Variants in NLRP7 observed in about 807,000 individuals in gnomAD.
NLRP7 encodes the protein NACHT, LRR and PYD domains-containing protein 7.
NLRP7 carries 72 observed loss-of-function variants against 85.5 expected under a neutral mutation model. The observed-to-expected ratio is 0.84, with a 90% confidence interval of 0.70 to 1.02. NLRP7 has a LOEUF of 1.02. Among genes scored for constraint, NLRP7 ranks in the 50% least tolerant of loss-of-function variants. NLRP7 has a pLI of 0.00. For missense variants in NLRP7, 1,243 were observed against 1,219.5 expected (o/e 1.02, Z -0.29); for synonymous variants, 550 against 505.2 (o/e 1.09, Z -1.19).
chr19:54,947,466 C>T lies in NLRP7; in HGVS notation c.-40+3G>A, dbSNP rs1003816179. ...AGAAATCGATGCAAGAACCAGCACT[C>T]ACCTCCCTCAGGTCAGGTCTTGCTT... On this transcript the variant is annotated splice_donor_region_variant and intron_variant, in intron 1 of 9. Transcript: ENST00000340844. 5 of 1,289,490 alleles carry T rather than the reference C, an allele frequency of 3.9e-6. No individual in the cohort carries two copies. The African/African-American group carries it at 6.1e-5, about 16-fold the overall frequency. The allele number at this position is 1,289,490 out of a possible 1,614,324, so 79.9% of individuals were successfully genotyped here.
At chr19:54,944,584 C>T (rs982373699) in intron 1 of NLRP7, among the ~76,000 whole-genome samples, 2 of 151,948 alleles carry the variant, frequency 1.3e-5, no homozygotes, top group Non-Finnish European at 2.9e-5. Flanking sequence ...TACTTTGTCT[C>T]TGTGTCTCTT....
In NLRP7 at chr19:54,934,839, A is replaced by G. The variant is rs1602144286; in HGVS notation, c.2301-180T>C. Among the ~76,000 whole-genome samples, 1 of 151,836 alleles carries G rather than the reference A, an allele frequency of 6.6e-6. No individual in the cohort carries two copies. Among genetic ancestry groups the G allele is most frequent in the Non-Finnish European group, 1.5e-5 (1 of 67,942 alleles). ...ATTCTCCTGCCTCAGCCTCCGAAGT[A>G]GCTGGGATTACAGGCATTCGCCAAT... On this transcript the variant is annotated intron_variant, in intron 6 of 9. Transcript: ENST00000340844. The surrounding 1 kb of genome is among the most constrained non-coding windows in gnomAD (Gnocchi z 6.7).
At chr19:54,930,579 C>T (rs1018466180) in exon 9 of NLRP7, 1 of 1,612,202 alleles carries the variant, frequency 6.2e-7, no homozygotes. Flanking sequence ...GGTTGATACT[C>T]AAGTCCAGGT....
intron 1 of NLRP7, among the ~76,000 whole-genome samples, chr19:54,944,524 C>T (rs1242563618): frequency 6.6e-6 from 1 of 152,076 alleles, no homozygotes; most frequent in East Asian, 1.9e-4. Flanking sequence ...ACTGAAGGAA[C>T]TCAGAGACCC....
At chr19:54,954,583 G>A (rs1179030208) in intron 1 of NLRP7, among the ~76,000 whole-genome samples, 5 of 148,210 alleles carry the variant, frequency 3.4e-5, no homozygotes, top group Admixed American at 6.8e-5. Context: ...GGTGGCTTAC[G>A]CCTGTAATCC....
chr19:54,964,171 G>A (rs906446340), intron 1 of NLRP7, among the ~76,000 whole-genome samples: 4 of 144,156 alleles, frequency 2.8e-5, no homozygotes, highest in Non-Finnish European at 6.0e-5. Context: ...GAGCCACCGC[G>A]CCCGGCCAAA....
At chr19:54,929,501 T>C (rs1198023409) in intron 9 of NLRP7, among the ~76,000 whole-genome samples, 3 of 152,176 alleles carry the variant, frequency 2.0e-5, no homozygotes, top group African/African-American at 7.2e-5. Flanking sequence ...ATCCAAGAGA[T>C]GCAACTGACA....
upstream of NLRP7, among the ~76,000 whole-genome samples, chr19:54,948,393 A>C (rs1207125689): frequency 6.6e-6 from 1 of 152,070 alleles, no homozygotes; most frequent in East Asian, 1.9e-4. Context: ...AAAAACAAAA[A>C]CAAAAAAATT....
intron 1 of NLRP7, among the ~76,000 whole-genome samples, chr19:54,943,491 C>G (rs2069327143): frequency 1.3e-5 from 2 of 151,152 alleles, no homozygotes; most frequent in South Asian, 4.2e-4. Context: ...GTCCCAGCTA[C>G]TCGGGAGGCT....
chr19:54,951,635 T>C (rs2069672712), upstream of NLRP7, among the ~76,000 whole-genome samples: 1 of 152,092 alleles, frequency 6.6e-6, no homozygotes, highest in Non-Finnish European at 1.5e-5. Context: ...AAAATGTGAA[T>C]CAGGCTGCAC....
At chr19:54,931,280 C>T (rs1464474031) in intron 8 of NLRP7, among the ~76,000 whole-genome samples, 3 of 151,900 alleles carry the variant, frequency 2.0e-5, no homozygotes, top group Non-Finnish European at 2.9e-5. Flanking sequence ...AAAATCGGGC[C>T]GGGCGCGGTG....
intron 6 of NLRP7, among the ~76,000 whole-genome samples, chr19:54,935,068 A>G (rs1309787151): frequency 6.6e-6 from 1 of 152,080 alleles, no homozygotes; most frequent in African/African-American, 2.4e-5. Flanking sequence ...TCATGCCTCC[A>G]ACCCTGGCCT....
intron 7 of NLRP7, 65 bp from the exon 8 acceptor site, chr19:54,933,804 G>T: frequency 1.4e-6 from 2 of 1,381,930 alleles, no homozygotes; most frequent in Non-Finnish European, 2.1e-6. Context: ...CCTGCTCAGT[G>T]ATGTCCACAT....
At chr19:54,950,099 C>CA (rs1165224711), upstream of NLRP7, among the ~76,000 whole-genome samples, 553 of 128,572 alleles carry the variant, frequency 4.3e-3, 1 homozygote, top group South Asian at 9.5e-3. Flanking sequence ...TAGACTGTCT[C>CA]AAAAAAAAAA....
intron 1 of NLRP7, among the ~76,000 whole-genome samples, chr19:54,957,561 T>G (rs1456864846): frequency 6.6e-6 from 1 of 151,832 alleles, no homozygotes; most frequent in African/African-American, 2.4e-5. Context: ...GCCAGGCTGG[T>G]CTCAAACTCC....
At chr19:54,938,508 G>A (rs960340042) in intron 4 of NLRP7, among the ~76,000 whole-genome samples, 3 of 152,184 alleles carry the variant, frequency 2.0e-5, no homozygotes, top group Admixed American at 1.3e-4. Context: ...AAGATCACTT[G>A]AGCCCAGGAG....
intron 5 of NLRP7, 58 bp from the exon 6 acceptor site, chr19:54,936,489 G>A (rs2068935155): frequency 5.7e-6 from 8 of 1,406,048 alleles, no homozygotes; most frequent in Non-Finnish European, 8.1e-6. Flanking sequence ...TTGTGTGGAG[G>A]CATGTATAAA....
chr19:54,963,385 T>C (rs776832936), intron 1 of NLRP7, among the ~76,000 whole-genome samples: 2 of 151,788 alleles, frequency 1.3e-5, no homozygotes, highest in Non-Finnish European at 2.9e-5. Context: ...CATATACATA[T>C]GTTGGTTCTA....
chr19:54,964,221 T>G (rs1012973201), intron 1 of NLRP7, among the ~76,000 whole-genome samples: 3 of 130,860 alleles, frequency 2.3e-5, no homozygotes, highest in Non-Finnish European at 3.2e-5. Flanking sequence ...GTTTTTTTTT[T>G]TTTTTTTTTT....
Sources: gnomAD v4.1 joint callset for allele counts (sites outside exome capture counted in the v4.1 genomes callset) on GRCh38, gnomAD v4.1.1 for gene constraint, Gnocchi (gnomAD v3.1) non-coding constraint, MANE v1.5 for transcripts, NCBI Gene and HGNC (gene_info 2026-07-23, HGNC 2026-07-21) for gene names.